Variants in TTC39C observed in about 807,000 individuals in gnomAD.
TTC39C encodes the protein tetratricopeptide repeat protein 39C.
Under a neutral mutation model 76.3 loss-of-function variants are expected in TTC39C, and 33 were observed. The observed-to-expected ratio is 0.43, with a 90% CI of 0.33 to 0.58. TTC39C has a LOEUF of 0.58. Among genes scored for constraint, TTC39C ranks in the 20% least tolerant of loss-of-function variants. The probability of loss-of-function intolerance (pLI) is 0.04; values close to 1 mark genes in which losing one functional copy is unlikely to be tolerated. For synonymous variants in TTC39C, 254 were observed against 260.6 expected (o/e 0.97, Z 0.24); for missense variants, 595 against 701.4 (o/e 0.85, Z 1.71).
chr18:24,089,600 A>G (rs755147716), intron 6 of TTC39C, among the ~76,000 whole-genome samples: 29 of 152,182 alleles, frequency 1.9e-4, no homozygotes, highest in Admixed American at 2.6e-4. Flanking sequence ...TAGTAACCCC[A>G]CTACACTTGC....
At chr18:24,082,636 T>A (rs1467354602) in intron 5 of TTC39C, among the ~76,000 whole-genome samples, 1 of 152,242 alleles carries the variant, frequency 6.6e-6, no homozygotes, top group Non-Finnish European at 1.5e-5. Context: ...TCTTCAGCGA[T>A]CCATCTAGAA....
At chr18:24,061,991 C>G (rs1388183156) in intron 1 of TTC39C, among the ~76,000 whole-genome samples, 2 of 152,196 alleles carry the variant, frequency 1.3e-5, no homozygotes, top group African/African-American at 4.8e-5. Context: ...GGACGATCGC[C>G]CGTCCTGCAG....
rs1036027609 is a variant in TTC39C, at chr18:24,022,632, A to G, written c.167+7594A>G. On this transcript the variant is annotated intron_variant, in intron 1 of 13. Coordinates refer to ENST00000317571, the MANE Select transcript of TTC39C (RefSeq NM_001135993.2). ...ATATGCAGATTGCACTCTGACACCCAGAAGCTATCCATCAAACCCCCAGAG... is the reference window on the plus strand; with the variant it reads ...ATATGCAGATTGCACTCTGACACCCGGAAGCTATCCATCAAACCCCCAGAG... 1.7e-5 allele frequency: 17 copies of G among 985,324 alleles called. No homozygotes were observed. In the East Asian group the frequency reaches 6.8e-4, roughly 39 times the overall value. The allele number at this position is 985,324 out of a possible 1,614,324, so 61.0% of individuals were successfully genotyped here.
chr18:24,033,082 GTC>G (rs2145679081), intron 1 of TTC39C, among the ~76,000 whole-genome samples: 1 of 152,250 alleles, frequency 6.6e-6, no homozygotes, highest in East Asian at 1.9e-4. Context: ...GCGAGAGCCT[GTC>G]TCTGCTAAAA....
At chr18:24,102,561 C>T (rs1022472251) in intron 6 of TTC39C, among the ~76,000 whole-genome samples, 3 of 152,056 alleles carry the variant, frequency 2.0e-5, no homozygotes, top group Non-Finnish European at 2.9e-5. Flanking sequence ...AGGTGGGGAC[C>T]GTCTTTAGGA....
chr18:24,078,517 C>T (rs2084335764), intron 4 of TTC39C, among the ~76,000 whole-genome samples: 1 of 152,020 alleles, frequency 6.6e-6, no homozygotes. Context: ...GTTTGTGTTC[C>T]TTAGATACAA....
chr18:24,026,142 C>T (rs150652968), intron 1 of TTC39C, among the ~76,000 whole-genome samples: 22 of 152,266 alleles, frequency 1.4e-4, no homozygotes, highest in African/African-American at 4.8e-4. Context: ...CTTCATACTC[C>T]ACGTGGATCT....
intron 1 of TTC39C, among the ~76,000 whole-genome samples, chr18:23,998,426 A>G (rs1430679702): frequency 1.3e-5 from 2 of 152,200 alleles, no homozygotes; most frequent in Middle Eastern, 3.2e-3. Flanking sequence ...CCTGGCCAAC[A>G]TGGTGAGACC....
intron 1 of TTC39C, among the ~76,000 whole-genome samples, chr18:24,037,062 C>G (rs1410973146): frequency 6.6e-6 from 1 of 152,104 alleles, no homozygotes; most frequent in East Asian, 1.9e-4. Context: ...ACTTCTAGTG[C>G]TATGGTGAAT....
intron 1 of TTC39C, among the ~76,000 whole-genome samples, chr18:24,023,984 A>ATCTATATCTATATCTATATC (rs1568409030): frequency 3.5e-4 from 2 of 5,720 alleles, no homozygotes; most frequent in Non-Finnish European, 6.2e-4. Context: ...ATATATACAT[A>ATCTATATCTATATCTATATC]TATATATATA....
intron 1 of TTC39C, among the ~76,000 whole-genome samples, chr18:24,005,844 C>CAA (rs71746829): frequency 4.6e-4 from 56 of 122,974 alleles, no homozygotes; most frequent in East Asian, 1.9e-3. Flanking sequence ...GACCCTGTCT[C>CAA]AAAAAAAAAA....
chr18:24,007,003 C>G (rs1235584471), intron 1 of TTC39C, among the ~76,000 whole-genome samples: 1 of 152,138 alleles, frequency 6.6e-6, no homozygotes, highest in East Asian at 1.9e-4. Flanking sequence ...CTCATGAGCT[C>G]TAGGCTGTGC....
chr18:24,100,267 T>G (rs2084659892), intron 6 of TTC39C, among the ~76,000 whole-genome samples: 1 of 152,342 alleles, frequency 6.6e-6, no homozygotes, highest in East Asian at 1.9e-4. Context: ...TTTAATAACC[T>G]GTGTGGAAGG....
chr18:24,006,996 A>G (rs1297877609), intron 1 of TTC39C, among the ~76,000 whole-genome samples: 1 of 152,232 alleles, frequency 6.6e-6, no homozygotes, highest in Non-Finnish European at 1.5e-5. Context: ...TATCAGGCTC[A>G]TGAGCTCTAG....
intron 1 of TTC39C, among the ~76,000 whole-genome samples, chr18:24,000,193 C>T (rs1316422236): frequency 6.6e-6 from 1 of 152,178 alleles, no homozygotes; most frequent in Non-Finnish European, 1.5e-5. Flanking sequence ...ATGTCGAAGT[C>T]CTAACCCCTA....
intron 1 of TTC39C, among the ~76,000 whole-genome samples, chr18:24,045,291 G>GCGTGTCCAA (rs1006882056): frequency 8.0e-6 from 1 of 125,278 alleles, no homozygotes; most frequent in Non-Finnish European, 1.6e-5. Context: ...AAAGCATGTA[G>GCGTGTCCAA]CGTGTCCAAC....
intron 1 of TTC39C, among the ~76,000 whole-genome samples, chr18:24,016,905 A>C (rs1040007993): frequency 3.9e-5 from 6 of 152,338 alleles, no homozygotes; most frequent in African/African-American, 1.4e-4. Flanking sequence ...CACTATTCTC[A>C]TGACAACAAA....
chr18:24,082,866 T>A, intron 5 of TTC39C, 47 bp from the exon 6 acceptor site: 2 of 1,525,180 alleles, frequency 1.3e-6, no homozygotes, highest in Non-Finnish European at 1.8e-6. Flanking sequence ...ATGGAAATGG[T>A]GTAAGGAAAG....
chr18:24,118,286 C>T, intron 8 of TTC39C, 54 bp downstream of exon 8: 1 of 1,413,220 alleles, frequency 7.1e-7, no homozygotes, highest in Non-Finnish European at 9.9e-7. Flanking sequence ...ATTAGCTCGC[C>T]TGACGTGGGC....
Sources: allele counts gnomAD v4.1 joint callset (sites outside exome capture counted in the v4.1 genomes callset), GRCh38; gene constraint gnomAD v4.1.1; transcripts MANE v1.5; gene names NCBI Gene and HGNC (gene_info 2026-07-23, HGNC 2026-07-21).